The following ARHGAP22 variants were observed in gnomAD, a reference collection of about 807,000 sequenced individuals.
The protein encoded by ARHGAP22 is Rho GTPase activating protein 22, also known as rho GTPase-activating protein 22.
Under a neutral mutation model 59.1 loss-of-function variants are expected in ARHGAP22, and 48 were observed. That is an observed-to-expected ratio of 0.81 (90% CI 0.64 to 1.03). The LOEUF (loss-of-function observed/expected upper bound fraction) is 1.03. Ranked by LOEUF, ARHGAP22 falls within the 50% of genes least tolerant of loss-of-function variation. ARHGAP22 has a pLI of 0.00. For missense variants in ARHGAP22, 1,015 were observed against 958.7 expected (o/e 1.06, Z -0.78); for synonymous variants, 445 against 416.4 (o/e 1.07, Z -0.84).
intron 3 of ARHGAP22, among the ~76,000 whole-genome samples, chr10:48,544,311 A>G (rs1326588520): frequency 6.6e-6 from 1 of 152,212 alleles, no homozygotes; most frequent in African/African-American, 2.4e-5. Context: ...CAAATGGCAG[A>G]GCTCAAATGT....
chr10:48,454,947 C>T (rs772863523), intron 6 of ARHGAP22, 55 bp downstream of exon 6: 293 of 1,513,172 alleles, frequency 1.9e-4, no homozygotes, highest in Non-Finnish European at 2.4e-4. Flanking sequence ...CCTGAGTCTA[C>T]AGGCTGCCAC....
intron 4 of ARHGAP22, among the ~76,000 whole-genome samples, chr10:48,471,020 C>A (rs963333513): frequency 1.3e-5 from 2 of 152,212 alleles, no homozygotes; most frequent in African/African-American, 4.8e-5. Flanking sequence ...AACAAGGTTG[C>A]ATTTCATCCC....
chr10:48,445,112 C>G (rs986830746), downstream of ARHGAP22: 1 of 152,400 alleles, frequency 6.6e-6, no homozygotes, highest in African/African-American at 2.4e-5. Flanking sequence ...CCTCACCCTG[C>G]GGGCCTGCCT....
chr10:48,434,756 C>G, the ARHGAP22 span: 3 of 646,960 alleles, frequency 4.6e-6, no homozygotes, highest in Non-Finnish European at 7.4e-6. Flanking sequence ...ATATCATTTG[C>G]GATTATTTTT....
the ARHGAP22 span, chr10:48,439,427 G>A: frequency 6.6e-6 from 1 of 151,808 alleles, no homozygotes; most frequent in Non-Finnish European, 1.5e-5. Context: ...TTTTAGGATT[G>A]TCCGTGGATT....
At chr10:48,491,614 G>A (rs1406783131) in intron 3 of ARHGAP22, among the ~76,000 whole-genome samples, 2 of 152,268 alleles carry the variant, frequency 1.3e-5, no homozygotes, top group Non-Finnish European at 2.9e-5. Context: ...GAGAGGACAC[G>A]CACTGAGCCT....
intron 3 of ARHGAP22, among the ~76,000 whole-genome samples, chr10:48,502,629 C>T (rs749522243): frequency 6.6e-6 from 1 of 152,158 alleles, no homozygotes; most frequent in Non-Finnish European, 1.5e-5. Context: ...CATGCTGGTG[C>T]CTTTCCCACC....
At chr10:48,434,921 A>T in the ARHGAP22 span, 1 of 1,613,546 alleles carries the variant, frequency 6.2e-7, no homozygotes, top group Non-Finnish European at 8.5e-7. Context: ...ATCCATCATC[A>T]TCGTCGTCTG....
At chr10:48,644,372 C>T (rs936943760) in intron 1 of ARHGAP22, among the ~76,000 whole-genome samples, 1 of 152,116 alleles carries the variant, frequency 6.6e-6, no homozygotes, top group South Asian at 2.1e-4. Flanking sequence ...ATTGATAGAA[C>T]AACTAGACAG....
chr10:48,564,262 T>C (rs1376323841), intron 2 of ARHGAP22, among the ~76,000 whole-genome samples: 1 of 152,252 alleles, frequency 6.6e-6, no homozygotes, highest in African/African-American at 2.4e-5. Flanking sequence ...AGAAATGACT[T>C]GTTCATCTGT....
At chr10:48,650,014 G>A (rs1193185323) in intron 1 of ARHGAP22, among the ~76,000 whole-genome samples, 2 of 150,634 alleles carry the variant, frequency 1.3e-5, no homozygotes, top group Non-Finnish European at 3.0e-5. Flanking sequence ...GAGAGAGAAA[G>A]AGAGAGAGAG....
At chr10:48,444,850 C>T (rs181033304), downstream of ARHGAP22, 7 of 152,328 alleles carry the variant, frequency 4.6e-5, no homozygotes, top group African/African-American at 1.7e-4. Flanking sequence ...CTATTCTCTT[C>T]TCTCTCCTTG....
At position 48,490,024 on chromosome 10, in the gene ARHGAP22, C is replaced by T. The variant is rs1277680695; in HGVS notation, c.323-10260G>A. On this transcript the variant is annotated intron_variant, in intron 3 of 9. Coordinates refer to ENST00000249601, the MANE Select transcript of ARHGAP22 (RefSeq NM_021226.4). ...CTGGGATTACAGGTGTAAGCCACCA[C>T]GCCCGGCCCAGAGGCTCTCTTAAAC... Among the ~76,000 whole-genome samples the T allele has an allele frequency of 3.9e-5, 6 of 152,280 alleles. 1 individual carries two copies. In the Middle Eastern group the frequency reaches 0.014, roughly 345 times the overall value.
chr10:48,444,726 G>A (rs2045284175), downstream of ARHGAP22: 1 of 152,216 alleles, frequency 6.6e-6, no homozygotes, highest in Non-Finnish European at 1.5e-5. Flanking sequence ...AGGGTCATCA[G>A]GACGCACTGC....
chr10:48,652,629 C>T, upstream of ARHGAP22: 2 of 304,000 alleles, frequency 6.6e-6, no homozygotes, highest in Admixed American at 4.5e-5. Flanking sequence ...AAAGAAGGGG[C>T]TTTGTGAGCA....
upstream of ARHGAP22, chr10:48,605,266 G>A: frequency 1.6e-6 from 1 of 643,964 alleles, no homozygotes; most frequent in Non-Finnish European, 1.9e-6. Flanking sequence ...TTCAGCCGCC[G>A]CCTGGGAGCC....
intron 2 of ARHGAP22, among the ~76,000 whole-genome samples, chr10:48,579,689 G>A (rs2058988404): frequency 6.6e-6 from 1 of 152,186 alleles, no homozygotes; most frequent in Non-Finnish European, 1.5e-5. Flanking sequence ...CCTGTGTTGT[G>A]AGCTCTGCGA....
At chr10:48,525,923 T>C (rs1367888876) in intron 3 of ARHGAP22, among the ~76,000 whole-genome samples, 1 of 152,232 alleles carries the variant, frequency 6.6e-6, no homozygotes, top group Non-Finnish European at 1.5e-5. Context: ...GGTATTATTG[T>C]GTAATTAAAG....
chr10:48,553,130 G>T (rs1420188324), intron 3 of ARHGAP22, among the ~76,000 whole-genome samples: 1 of 152,220 alleles, frequency 6.6e-6, no homozygotes, highest in Non-Finnish European at 1.5e-5. Context: ...GGAGCAGAGG[G>T]GACCACTCTT....
Sources: gnomAD v4.1 joint callset for allele counts (sites outside exome capture counted in the v4.1 genomes callset) on GRCh38, gnomAD v4.1.1 for gene constraint, MANE v1.5 for transcripts, NCBI Gene and HGNC (gene_info 2026-07-23, HGNC 2026-07-21) for gene names.